SIRT5: variants seen among roughly 807,000 people sequenced by gnomAD.
The protein encoded by SIRT5 is sirtuin 5.
A neutral mutation model predicts 40.0 loss-of-function variants in SIRT5; 26 were observed. The observed-to-expected ratio is 0.65, with a 90% CI of 0.48 to 0.90. The LOEUF is 0.90. SIRT5 is among the 40% of genes least tolerant of loss of function. The pLI is 0.00. For synonymous variants in SIRT5, 146 were observed against 149.1 expected (o/e 0.98, Z 0.15); for missense variants, 401 against 402.4 (o/e 1.00, Z 0.03).
At chr6:13,604,068 G>A (rs758940926) in intron 9 of SIRT5, among the ~76,000 whole-genome samples, 6 of 152,226 alleles carry the variant, frequency 3.9e-5, no homozygotes, top group Non-Finnish European at 5.9e-5. Context: ...GGGTGCTAAT[G>A]AGAACAAGTT....
intron 9 of SIRT5, chr6:13,605,606 T>A (rs1447925959): frequency 9.1e-6 from 9 of 985,312 alleles, no homozygotes; most frequent in East Asian, 1.1e-4. Flanking sequence ...CCCACAGGAA[T>A]GTATTTCTAT....
intron 9 of SIRT5, among the ~76,000 whole-genome samples, chr6:13,608,401 C>G (rs998486524): frequency 1.3e-5 from 2 of 152,166 alleles, no homozygotes; most frequent in African/African-American, 4.8e-5. Context: ...GCCTGGCCAA[C>G]ATGGCGAAAC....
At position 13,596,990 on chromosome 6, in the gene SIRT5, C is replaced by T. The variant is rs774113869; in HGVS notation, c.591C>T (p.Ala197=). The T allele has an allele frequency of 5.0e-6, 8 of 1,611,784 alleles. No homozygotes were observed. Among genetic ancestry groups the T allele is most frequent in the Non-Finnish European group, 6.8e-6 (8 of 1,179,486 alleles). The change falls in exon 7 of 10, where the codon GCC becomes GCT. Residue 197 remains alanine, a synonymous_variant. Transcript: ENST00000606117. The stretch of plus-strand genomic sequence containing the variant: ...CTCCAGAACCTGGAACTCAAGATGC[C>T]AGCATCCCAGTTGAGAAACTTCCCC... ...KGAPEPGTQD[A]SIPVEKLPRC... is the part of the protein sequence containing the mutation.
intron 9 of SIRT5, 53 bp downstream of exon 9, chr6:13,601,002 G>A (rs569289705): frequency 2.7e-5 from 37 of 1,395,084 alleles, no homozygotes; most frequent in Non-Finnish European, 3.5e-5. Context: ...GTACAGACAT[G>A]GTCATCTAAA....
chr6:13,581,764 A>G (rs1562261858), intron 2 of SIRT5, among the ~76,000 whole-genome samples: 1 of 152,204 alleles, frequency 6.6e-6, no homozygotes, highest in Non-Finnish European at 1.5e-5. Context: ...GAGCACCGAT[A>G]TCAGACAGGG....
chr6:13,583,000 G>C (rs1759553040), intron 2 of SIRT5, among the ~76,000 whole-genome samples: 2 of 152,070 alleles, frequency 1.3e-5, no homozygotes. Context: ...GAGCTCAGGA[G>C]ATCAAGACCA....
At chr6:13,585,901 C>T (rs1760009440) in intron 3 of SIRT5, among the ~76,000 whole-genome samples, 1 of 152,142 alleles carries the variant, frequency 6.6e-6, no homozygotes, top group South Asian at 2.1e-4. Context: ...CTGTCCAGCA[C>T]CTGTTGTTTC....
chr6:13,587,794 T>A (rs1350594069), intron 3 of SIRT5, among the ~76,000 whole-genome samples: 1 of 152,220 alleles, frequency 6.6e-6, no homozygotes, highest in Non-Finnish European at 1.5e-5. Flanking sequence ...AATAAGACCC[T>A]TGCCCTCACC....
chr6:13,607,716 A>T lies in SIRT5; in HGVS notation c.858-4074A>T, dbSNP rs1424030511. Among the ~76,000 whole-genome samples, 1 of 152,162 alleles carries T rather than the reference A, an allele frequency of 6.6e-6. No homozygotes were observed. Among genetic ancestry groups the T allele is most frequent in the East Asian group, 1.9e-4 (1 of 5,194 alleles). ...GGTTTTTTAAATCAAATATAGTTGGAGATGTGATTCCAAGTGCATTGGAAA... is the reference window on the plus strand; with the variant it reads ...GGTTTTTTAAATCAAATATAGTTGGTGATGTGATTCCAAGTGCATTGGAAA... On this transcript the variant is annotated intron_variant, in intron 9 of 9. Coordinates refer to ENST00000606117, the MANE Select transcript of SIRT5 (RefSeq NM_012241.5). This position sits in a 1 kb window ranked among gnomAD's most constrained non-coding sequence, Gnocchi z 4.0.
chr6:13,575,534 ATATATT>A (rs1005087924), intron 1 of SIRT5, among the ~76,000 whole-genome samples: 24 of 151,586 alleles, frequency 1.6e-4, no homozygotes, highest in Non-Finnish European at 2.7e-4. Context: ...TTATATAAAT[ATATATT>A]TATATAATTA....
intron 9 of SIRT5, among the ~76,000 whole-genome samples, 178 bp from the exon 10 acceptor site, chr6:13,611,612 T>C (rs1168834342): frequency 6.6e-6 from 1 of 152,198 alleles, no homozygotes; most frequent in Non-Finnish European, 1.5e-5. Flanking sequence ...TGAAGTGTTA[T>C]AACTAGAGTT....
chr6:13,605,796 C>T lies in SIRT5; in HGVS notation c.857+4847C>T, dbSNP rs1189042232. 5 of 985,318 alleles carry T rather than the reference C, an allele frequency of 5.1e-6. No homozygotes were observed. In the African/African-American group the frequency reaches 5.2e-5, roughly 10 times the overall value. 61.0% of individuals were successfully genotyped at this position (985,318 alleles called of 1,614,324 possible). Reference sequence around the variant, plus strand: ...GGGGCCTTGGCTTGTAGGATTTGTACATTCGCTGAGGCAAAAATGGGACTG... The same window carrying T: ...GGGGCCTTGGCTTGTAGGATTTGTATATTCGCTGAGGCAAAAATGGGACTG... On this transcript the variant is annotated intron_variant, in intron 9 of 9. Coordinates refer to ENST00000606117, the MANE Select transcript of SIRT5 (RefSeq NM_012241.5).
At chr6:13,611,207 G>GTGTGTATA (rs1554219247) in intron 9 of SIRT5, among the ~76,000 whole-genome samples, 1 of 93,638 alleles carries the variant, frequency 1.1e-5, no homozygotes, top group African/African-American at 4.1e-5. Context: ...GTGTGTGTGT[G>GTGTGTATA]TATATATATA....
At chr6:13,577,640 C>A (rs1703706784) in intron 1 of SIRT5, among the ~76,000 whole-genome samples, 1 of 148,440 alleles carries the variant, frequency 6.7e-6, no homozygotes, top group Non-Finnish European at 1.5e-5. Flanking sequence ...TCTTATATGT[C>A]TCTCTATATT....
At chr6:13,582,702 T>C (rs954426216) in intron 2 of SIRT5, among the ~76,000 whole-genome samples, 3 of 152,014 alleles carry the variant, frequency 2.0e-5, no homozygotes, top group Non-Finnish European at 2.9e-5. Context: ...GCCCCCACAG[T>C]TTTGTTGGAC....
chr6:13,600,338 T>C (rs958857602), intron 8 of SIRT5, among the ~76,000 whole-genome samples: 3 of 152,200 alleles, frequency 2.0e-5, no homozygotes, highest in Admixed American at 2.0e-4. Flanking sequence ...CAGGTCATGC[T>C]CTTCCCATCC....
chr6:13,615,131 G>A lies in SIRT5; in HGVS notation c.*3266G>A, dbSNP rs919231187. 7.3e-5 allele frequency: 36 copies of A among 494,994 alleles called. No individual in the cohort carries two copies. Among genetic ancestry groups the A allele is most frequent in the Non-Finnish European group, 1.0e-4 (29 of 286,538 alleles). 30.7% of individuals were successfully genotyped at this position (494,994 alleles called of 1,614,324 possible). A position where few individuals can be genotyped will look rare whatever the true frequency, so the allele number is the denominator to read the frequency against. On this transcript the variant is annotated 3_prime_UTR_variant, in exon 10 of 10. Transcript: ENST00000606117. ...ATCAACCCCATTGCCAGCCGCTTTC[G>A]CCGGCAGAGCATTTTCCGTGGGGTC... is the stretch of plus-strand genomic sequence containing the variant.
intron 4 of SIRT5, among the ~76,000 whole-genome samples, chr6:13,590,582 AAC>A (rs1760732570): frequency 6.6e-6 from 1 of 151,456 alleles, no homozygotes; most frequent in African/African-American, 2.4e-5. Context: ...TGTGTGTATT[AAC>A]AGATATGTGT....
At chr6:13,590,747 G>T (rs549636043) in intron 4 of SIRT5, among the ~76,000 whole-genome samples, 35 of 151,720 alleles carry the variant, frequency 2.3e-4, no homozygotes, top group East Asian at 2.1e-3. Flanking sequence ...TTGTGTGTAT[G>T]TACAGTTGTG....
Sources: allele counts gnomAD v4.1 joint callset (sites outside exome capture counted in the v4.1 genomes callset), GRCh38; gene constraint gnomAD v4.1.1; non-coding constraint Gnocchi (gnomAD v3.1); transcripts MANE v1.5; gene names NCBI Gene and HGNC (gene_info 2026-07-23, HGNC 2026-07-21).